The following ALMS1 variants were observed in gnomAD, a reference collection of about 807,000 sequenced individuals.
ALMS1 encodes ALMS1 centrosome and basal body associated protein, also known as centrosome-associated protein ALMS1.
ALMS1 carries 271 observed loss-of-function variants against 352.2 expected under a neutral mutation model. The ratio of observed to expected loss-of-function variants is 0.77; its 90% CI spans 0.70 to 0.85. The LOEUF (loss-of-function observed/expected upper bound fraction) is 0.85. ALMS1 is among the 40% of genes least tolerant of loss of function. The pLI is 0.00. For synonymous variants in ALMS1, 1,865 were observed against 1,761.2 expected, an observed-to-expected ratio of 1.06 and a Z score of -1.48; for missense variants, 5,445 against 4,870.7, an observed-to-expected ratio of 1.12 and a Z score of -3.51.
Position 73,453,276 on chromosome 2 carries a change from A to G in ALMS1, c.6749A>G (p.Gln2250Arg). ...AGAGATGTTGGCTCTGAAGAAATCC[A>G]GGATGCAGAAAATAGTGCTAAAACT... is the stretch of plus-strand genomic sequence containing the variant. ...GFRDVGSEEI[Q>R]DAENSAKTLK... is the part of the protein sequence containing the mutation. The change falls in exon 8 of 23, where the codon CAG becomes CGG. Residue 2250 changes from glutamine (Q) to arginine (R), a missense_variant. Transcript: ENST00000613296. The G allele has an allele frequency of 6.2e-7, 1 of 1,614,010 alleles. No homozygotes were observed. The highest frequency in any genetic ancestry group is 8.5e-7 in the Non-Finnish European group (1 of 1,179,986).
intron 13 of ALMS1, among the ~76,000 whole-genome samples, chr2:73,555,443 C>G (rs2104051088): frequency 6.6e-6 from 1 of 152,242 alleles, no homozygotes; most frequent in South Asian, 2.1e-4. Context: ...ATCACTGCCA[C>G]ACACTAAACA....
chr2:73,559,052 A>T lies in ALMS1; in HGVS notation c.10294A>T (p.Ile3432Phe). ...GAAGAACTTGCCAGACACTAAAGCC[A>T]TTACACAGAAAGAGGAGATCCATAG... The part of the protein sequence containing the change: ...EMKNLPDTKA[I>F]TQKEEIHRKK... The change falls in exon 15 of 23, where the codon ATT (isoleucine) becomes TTT (phenylalanine). Residue 3432 changes from isoleucine (I) to phenylalanine (F), a missense_variant. Coordinates refer to ENST00000613296, the MANE Select transcript of ALMS1 (RefSeq NM_001378454.1). The T allele has an allele frequency of 6.2e-7, 1 of 1,614,068 alleles. No individual in the cohort carries two copies. The highest frequency in any genetic ancestry group is 8.5e-7 in the Non-Finnish European group (1 of 1,179,960).
rs1182269185 is a variant in ALMS1, at chr2:73,452,111, G to A, written c.5584G>A (p.Glu1862Lys). 6.2e-7 allele frequency: 1 copy of A among 1,613,766 alleles called. No homozygotes were observed. The highest frequency in any genetic ancestry group is 8.5e-7 in the Non-Finnish European group (1 of 1,179,952). ...GAGAGAGCACTCTGTCATTTCTTAT[G>A]AGCAGGAGTTGCCAGATCTTACTGA... Reference protein sequence around the residue: ...PQREHSVISYEQELPDLTEVT... With the variant: ...PQREHSVISYKQELPDLTEVT... The change falls in exon 8 of 23, where the codon GAG (glutamate) becomes AAG (lysine). Residue 1862 changes from glutamate (E) to lysine (K), a missense_variant. Coordinates refer to ENST00000613296, the MANE Select transcript of ALMS1 (RefSeq NM_001378454.1).
chr2:73,506,956 A>G (rs1429539157), intron 10 of ALMS1, among the ~76,000 whole-genome samples: 2 of 152,190 alleles, frequency 1.3e-5, no homozygotes, highest in Admixed American at 6.5e-5. Context: ...TGTTCCATCA[A>G]TACCTAGTTT....
chr2:73,560,185 G>A (rs974638358), intron 15 of ALMS1, among the ~76,000 whole-genome samples: 24 of 152,104 alleles, frequency 1.6e-4, no homozygotes, highest in Non-Finnish European at 5.9e-5. Flanking sequence ...TCAATAGCAA[G>A]AAAAACCCAA....
chr2:73,576,809 A>G (rs1675064476), intron 16 of ALMS1, among the ~76,000 whole-genome samples: 1 of 151,814 alleles, frequency 6.6e-6, no homozygotes, highest in Non-Finnish European at 1.5e-5. Flanking sequence ...TTTAGTAGAG[A>G]CAGGGTTTCA....
chr2:73,437,520 A>G (rs757163565), intron 7 of ALMS1, among the ~76,000 whole-genome samples: 6 of 152,196 alleles, frequency 3.9e-5, no homozygotes, highest in Non-Finnish European at 8.8e-5. Context: ...ATCAACAGCC[A>G]GTGTTCTTTC....
rs773279868 is a variant in ALMS1, at chr2:73,449,006, GACAGCCA to G, written c.2480_2486del (p.Asp827ValfsTer7). On this transcript the variant is annotated frameshift_variant, in exon 8 of 23. Transcript: ENST00000613296. LOFTEE classifies it high-confidence loss of function. ...TGTTTTCTACCAACAGGCCTTGCTGGACAGCCATCTACCCGAAGAGGCTCTGAAAGTT... is the reference window on the plus strand; with the variant it reads ...TGTTTTCTACCAACAGGCCTTGCTGGTCTACCCGAAGAGGCTCTGAAAGTT... 1 of 1,613,826 alleles carries G rather than the reference GACAGCCA, an allele frequency of 6.2e-7. No homozygotes were observed. Among genetic ancestry groups the G allele is most frequent in the African/African-American group, 1.3e-5 (1 of 74,872 alleles).
intron 1 of ALMS1, among the ~76,000 whole-genome samples, chr2:73,404,124 C>T (rs1283271176): frequency 6.6e-6 from 1 of 152,208 alleles, no homozygotes; most frequent in Non-Finnish European, 1.5e-5. Flanking sequence ...GTCTCAAACT[C>T]CTGACCTCAA....
chr2:73,426,223 A>G (rs1391578639), intron 5 of ALMS1, among the ~76,000 whole-genome samples: 2 of 152,228 alleles, frequency 1.3e-5, no homozygotes, highest in Non-Finnish European at 2.9e-5. Flanking sequence ...TAGAAATGCC[A>G]TTAAAGGTCC....
intron 10 of ALMS1, among the ~76,000 whole-genome samples, chr2:73,495,028 C>T (rs556431772): frequency 3.3e-4 from 50 of 151,992 alleles, no homozygotes; most frequent in Admixed American, 3.3e-4. Context: ...TCATTTATTC[C>T]GCCCTAGGTT....
chr2:73,586,166 C>T (rs1254658866), intron 16 of ALMS1, among the ~76,000 whole-genome samples: 4 of 152,132 alleles, frequency 2.6e-5, no homozygotes, highest in African/African-American at 9.7e-5. Context: ...GTAGATTCTG[C>T]ATATTAGTCC....
In ALMS1 at chr2:73,490,217, A is replaced by G. The variant is rs1572969491; in HGVS notation, c.8258A>G (p.His2753Arg). The change falls in exon 10 of 23, where the codon CAT becomes CGT. Residue 2753 changes from histidine (H) to arginine (R), a missense_variant. Transcript: ENST00000613296. Reference sequence around the variant, plus strand: ...GCATCTGTGGGGGTATTTAATTCTCATTTCACTGAAGAACAAAATCCTCCC... The same window carrying G: ...GCATCTGTGGGGGTATTTAATTCTCGTTTCACTGAAGAACAAAATCCTCCC... ...TGASVGVFNS[H>R]FTEEQNPPRD... The G allele has an allele frequency of 6.2e-7, 1 of 1,613,956 alleles. No homozygotes were observed. The highest frequency in any genetic ancestry group is 1.3e-5 in the African/African-American group (1 of 74,908).
chr2:73,390,814 G>A (rs1670628136), intron 1 of ALMS1, among the ~76,000 whole-genome samples: 1 of 151,770 alleles, frequency 6.6e-6, no homozygotes, highest in African/African-American at 2.4e-5. Context: ...TTTGTCACCA[G>A]GCTGGAGTGG....
chr2:73,535,770 G>A (rs1674014200), intron 12 of ALMS1, among the ~76,000 whole-genome samples: 1 of 152,128 alleles, frequency 6.6e-6, no homozygotes, highest in Non-Finnish European at 1.5e-5. Flanking sequence ...GTGTGGTGTA[G>A]GGTTTTGATT....
Position 73,448,300 on chromosome 2 carries a change from C to T in ALMS1, c.1773C>T (p.Asp591=), listed in dbSNP as rs369744185. The T allele has an allele frequency of 7.6e-5, 122 of 1,613,886 alleles. No homozygotes were observed. Among genetic ancestry groups the T allele is most frequent in the East Asian group, 4.5e-4 (20 of 44,872 alleles). The part of the protein sequence containing the change: ...PSIFYQQGLP[D]SHLTEEALKV... Reference sequence around the variant, plus strand: ...TTTTCTACCAGCAGGGCTTGCCAGACAGTCATCTAACTGAAGAGGCTTTGA... The same window carrying T: ...TTTTCTACCAGCAGGGCTTGCCAGATAGTCATCTAACTGAAGAGGCTTTGA... Residue 591 remains aspartate (D), a synonymous_variant, in exon 8 of 23, where the codon GAC becomes GAT. Coordinates refer to ENST00000613296, the MANE Select transcript of ALMS1 (RefSeq NM_001378454.1).
chr2:73,515,475 T>C lies in ALMS1; in HGVS notation c.9540-4300T>C, dbSNP rs533832498. Among the ~76,000 whole-genome samples the C allele has an allele frequency of 2.2e-4, 33 of 152,148 alleles. No homozygotes were observed. In the South Asian group the frequency reaches 6.8e-3, roughly 32 times the overall value. On this transcript the variant is annotated intron_variant, in intron 10 of 22. Coordinates refer to ENST00000613296, the MANE Select transcript of ALMS1 (RefSeq NM_001378454.1). ...TACATAATGTTTTGTGTGTTGGATA[T>C]TGTAAATAAGAGGATAATAGAGATT...
chr2:73,546,973 T>C (rs1019023934), intron 12 of ALMS1, among the ~76,000 whole-genome samples: 1 of 152,148 alleles, frequency 6.6e-6, no homozygotes, highest in African/African-American at 2.4e-5. Flanking sequence ...ATACAGACAG[T>C]CCCCAATTTA....
Position 73,599,386 on chromosome 2 carries a change from C to A in ALMS1, c.11548-15C>A. On this transcript the variant is annotated splice_polypyrimidine_tract_variant and intron_variant, in intron 16 of 22. Coordinates refer to ENST00000613296, the MANE Select transcript of ALMS1 (RefSeq NM_001378454.1). Reference sequence around the variant, plus strand: ...ACTGCAGGTAATAATAACAAGATCTCTTTTATTTTTCTAGGTAGCAAACCA... The same window carrying A: ...ACTGCAGGTAATAATAACAAGATCTATTTTATTTTTCTAGGTAGCAAACCA... The A allele has an allele frequency of 6.2e-7, 1 of 1,611,924 alleles. No homozygotes were observed. Among genetic ancestry groups the A allele is most frequent in the Admixed American group, 1.7e-5 (1 of 60,016 alleles).
Sources: gnomAD v4.1 joint callset for allele counts (sites outside exome capture counted in the v4.1 genomes callset) on GRCh38, gnomAD v4.1.1 for gene constraint, MANE v1.5 for transcripts, NCBI Gene and HGNC (gene_info 2026-07-23, HGNC 2026-07-21) for gene names.